Variants in SGCD observed in about 807,000 individuals in gnomAD.
SGCD encodes the protein sarcoglycan delta, also known as delta-sarcoglycan.
A neutral mutation model predicts 36.6 loss-of-function variants in SGCD; 18 were observed. That is an observed-to-expected ratio of 0.49 (90% CI 0.34 to 0.73). The LOEUF is 0.73. SGCD is among the 30% of genes least tolerant of loss of function. SGCD has a pLI of 0.01. For missense variants in SGCD, 387 were observed against 346.7 expected (o/e 1.12, Z -0.92); for synonymous variants, 133 against 130.6 (o/e 1.02, Z -0.12).
At chr5:156,185,405 G>T (rs558653241) in intron 3 of SGCD, among the ~76,000 whole-genome samples, 2 of 151,664 alleles carry the variant, frequency 1.3e-5, no homozygotes, top group Non-Finnish European at 2.9e-5. Context: ...TAGCAGAGAC[G>T]GGGTTTCACC....
At chr5:156,324,192 G>A (rs1276348726), upstream of SGCD, among the ~76,000 whole-genome samples, 5 of 152,130 alleles carry the variant, frequency 3.3e-5, no homozygotes, top group African/African-American at 9.7e-5. Flanking sequence ...TGTTAACAAA[G>A]GGATGCTAGC....
At chr5:156,492,349 A>G (rs1197834849) in intron 3 of SGCD, among the ~76,000 whole-genome samples, 1 of 152,072 alleles carries the variant, frequency 6.6e-6, no homozygotes, top group East Asian at 1.9e-4. Context: ...GAGGCTGACA[A>G]AATCCCACAT....
At chr5:156,078,766 A>C (rs918058754) in intron 1 of SGCD, among the ~76,000 whole-genome samples, 2 of 150,406 alleles carry the variant, frequency 1.3e-5, no homozygotes, top group Non-Finnish European at 3.0e-5. Context: ...TTGCTAAACT[A>C]GTATAATTTT....
chr5:156,407,379 A>G (rs566180453), intron 3 of SGCD, among the ~76,000 whole-genome samples: 1 of 152,236 alleles, frequency 6.6e-6, no homozygotes, highest in Non-Finnish European at 1.5e-5. Context: ...TGCTTTATGC[A>G]TTGTCTCTGA....
intron 3 of SGCD, among the ~76,000 whole-genome samples, chr5:156,312,136 C>T (rs962584191): frequency 2.0e-5 from 3 of 152,122 alleles, no homozygotes; most frequent in African/African-American, 7.2e-5. Context: ...CAAAGGTACT[C>T]ATGTAGGTTA....
chr5:155,799,510 G>T, the SGCD span, among the ~76,000 whole-genome samples: 1 of 150,822 alleles, frequency 6.6e-6, no homozygotes, highest in East Asian at 2.0e-4. Flanking sequence ...CCTCCCACTT[G>T]ATCCTCTTGA....
At chr5:156,718,416 C>A (rs1458785687) in intron 7 of SGCD, among the ~76,000 whole-genome samples, 1 of 152,194 alleles carries the variant, frequency 6.6e-6, no homozygotes, top group East Asian at 1.9e-4. Flanking sequence ...TTCAACTATG[C>A]CATGTCCCAA....
Position 156,083,905 on chromosome 5 carries a change from G to A in SGCD, c.-281-33973G>A, listed in dbSNP as rs1296416435. On this transcript the variant is annotated intron_variant, in intron 1 of 9. Transcript: ENST00000517913. Reference sequence around the variant, plus strand: ...TCAGTACCTTTATCACAAATCAATGGAGTGTATTTGTGTGGATCTATTTCT... The same window carrying A: ...TCAGTACCTTTATCACAAATCAATGAAGTGTATTTGTGTGGATCTATTTCT... Among the ~76,000 whole-genome samples the A allele has an allele frequency of 2.0e-5, 3 of 152,038 alleles. No individual in the cohort carries two copies. In the East Asian group the frequency reaches 5.8e-4, roughly 29 times the overall value.
At chr5:156,233,063 T>G (rs1765061565) in intron 3 of SGCD, among the ~76,000 whole-genome samples, 1 of 152,208 alleles carries the variant, frequency 6.6e-6, no homozygotes, top group Non-Finnish European at 1.5e-5. Flanking sequence ...TATATATTCT[T>G]GACAATAGGA....
chr5:155,839,438 A>G, the SGCD span, among the ~76,000 whole-genome samples: 3 of 152,270 alleles, frequency 2.0e-5, no homozygotes, highest in African/African-American at 4.8e-5. Context: ...TGGCTAATGT[A>G]TAATGCTAGT....
In SGCD at chr5:156,056,758, G is replaced by A. The variant is rs1760076511; in HGVS notation, c.-281-61120G>A. 1.4e-5 allele frequency among the ~76,000 whole-genome samples: 2 copies of A among 143,894 alleles called. 1 individual carries two copies. The highest frequency in any genetic ancestry group is 1.4e-4 in the Admixed American group (2 of 14,178). 94.4% of individuals were successfully genotyped at this position (143,894 alleles called of 152,430 possible). A position where few individuals can be genotyped will look rare whatever the true frequency, so the allele number is the denominator to read the frequency against. On this transcript the variant is annotated intron_variant, in intron 1 of 9. Coordinates refer to the SGCD transcript ENST00000517913. ...GCGTGAATTAAACGTTTTCTCTATTGCAATTCTCCTGTCTTGATAAATCAG... is the reference window on the plus strand; with the variant it reads ...GCGTGAATTAAACGTTTTCTCTATTACAATTCTCCTGTCTTGATAAATCAG...
intron 1 of SGCD, among the ~76,000 whole-genome samples, chr5:156,027,198 C>A (rs1295599784): frequency 1.3e-5 from 2 of 152,168 alleles, no homozygotes; most frequent in Non-Finnish European, 2.9e-5. Context: ...CAATCACAAA[C>A]AATCCTTATT....
At chr5:156,491,877 C>T (rs375686295) in intron 3 of SGCD, among the ~76,000 whole-genome samples, 12 of 152,186 alleles carry the variant, frequency 7.9e-5, no homozygotes, top group East Asian at 7.7e-4. Context: ...TATATAGCCA[C>T]GTTTTCATCT....
At chr5:156,532,463 A>T (rs75152502) in intron 4 of SGCD, among the ~76,000 whole-genome samples, 35,016 of 151,916 alleles carry the variant, frequency 0.23, 4,721 homozygotes, top group Non-Finnish European at 0.31. Flanking sequence ...TGTTTATTTT[A>T]TTTATTTATT....
intron 1 of SGCD, among the ~76,000 whole-genome samples, chr5:156,076,588 G>A (rs1332888995): frequency 1.3e-5 from 2 of 152,162 alleles, no homozygotes; most frequent in Non-Finnish European, 2.9e-5. Flanking sequence ...AGCTAGCTAT[G>A]GGATGAAGTT....
intron 7 of SGCD, among the ~76,000 whole-genome samples, chr5:156,694,544 T>G (rs1020263634): frequency 6.6e-6 from 1 of 152,210 alleles, no homozygotes; most frequent in Non-Finnish European, 1.5e-5. Context: ...TGTATACAAG[T>G]AAGGGGAAAC....
At chr5:156,326,727 G>C (rs899419960), upstream of SGCD, 6 of 152,620 alleles carry the variant, frequency 3.9e-5, no homozygotes, top group African/African-American at 1.4e-4. Context: ...TAAGGAGCAA[G>C]TGAAAAAGGA....
chr5:155,860,348 A>T, the SGCD span, among the ~76,000 whole-genome samples: 3 of 152,176 alleles, frequency 2.0e-5, no homozygotes, highest in Admixed American at 6.5e-5. Flanking sequence ...TTTTTAACCT[A>T]TTGGTATATT....
intron 3 of SGCD, among the ~76,000 whole-genome samples, chr5:156,359,406 A>G (rs1467343215): frequency 1.3e-5 from 2 of 152,242 alleles, no homozygotes; most frequent in African/African-American, 4.8e-5. Flanking sequence ...AGCACTTAAC[A>G]TAGAACATAT....
Sources: gnomAD v4.1 joint callset for allele counts (sites outside exome capture counted in the v4.1 genomes callset) on GRCh38, gnomAD v4.1.1 for gene constraint, MANE v1.5 for transcripts, NCBI Gene and HGNC (gene_info 2026-07-23, HGNC 2026-07-21) for gene names.